Variants in EXOC4 observed in about 807,000 individuals in gnomAD.
EXOC4 encodes the protein exocyst complex component 4.
Under a neutral mutation model 107.2 loss-of-function variants are expected in EXOC4, and 71 were observed. The observed-to-expected ratio is 0.66, with a 90% CI of 0.55 to 0.81. The LOEUF is 0.81. EXOC4 is among the 30% of genes least tolerant of loss of function. The pLI, the probability that EXOC4 is intolerant of heterozygous loss-of-function variation, is 0.00. For missense variants in EXOC4, 1,108 were observed against 1,189.6 expected (o/e 0.93, Z 1.01); for synonymous variants, 456 against 441.2 (o/e 1.03, Z -0.42).
At chr7:133,665,633 T>A (rs1233119157) in intron 10 of EXOC4, among the ~76,000 whole-genome samples, 1 of 152,162 alleles carries the variant, frequency 6.6e-6, no homozygotes, top group African/African-American at 2.4e-5. Context: ...TCTCAGATAT[T>A]CAGAACACTT....
chr7:133,528,892 A>C (rs1800129174), intron 9 of EXOC4, among the ~76,000 whole-genome samples: 1 of 152,112 alleles, frequency 6.6e-6, no homozygotes, highest in Non-Finnish European at 1.5e-5. Context: ...TGTATGATTT[A>C]GCATTTGCCC....
chr7:133,509,242 C>A (rs148224531), intron 9 of EXOC4, among the ~76,000 whole-genome samples: 2 of 152,012 alleles, frequency 1.3e-5, no homozygotes, highest in Non-Finnish European at 2.9e-5. Flanking sequence ...TCCTGGCTAA[C>A]GTGGTGAAAC....
chr7:134,069,045 C>A (rs1232651886), downstream of EXOC4, among the ~76,000 whole-genome samples: 1 of 152,094 alleles, frequency 6.6e-6, no homozygotes, highest in East Asian at 1.9e-4. Flanking sequence ...CATATTTCCC[C>A]TCTCGATTCT....
At chr7:133,369,226 T>C (rs1796310801) in intron 6 of EXOC4, among the ~76,000 whole-genome samples, 1 of 152,208 alleles carries the variant, frequency 6.6e-6, no homozygotes, top group Admixed American at 6.5e-5. Flanking sequence ...TTACATCCTG[T>C]TTATGTGAAT....
chr7:133,600,861 A>T (rs370057435), intron 9 of EXOC4, among the ~76,000 whole-genome samples: 1 of 152,184 alleles, frequency 6.6e-6, no homozygotes, highest in African/African-American at 2.4e-5. Context: ...CTTTAGTCAG[A>T]CAGGAACTGA....
intron 10 of EXOC4, among the ~76,000 whole-genome samples, chr7:133,772,468 A>G (rs1042123740): frequency 5.3e-5 from 8 of 152,036 alleles, no homozygotes; most frequent in African/African-American, 1.9e-4. Flanking sequence ...AGCACGGCAC[A>G]TGTATACATA....
chr7:133,628,193 A>C (rs1449187345), intron 9 of EXOC4, among the ~76,000 whole-genome samples: 1 of 152,204 alleles, frequency 6.6e-6, no homozygotes, highest in Non-Finnish European at 1.5e-5. Context: ...GAAATAATTA[A>C]GGTAGATAGT....
intron 17 of EXOC4, among the ~76,000 whole-genome samples, chr7:134,027,164 G>A (rs528605534): frequency 3.0e-4 from 45 of 152,256 alleles, no homozygotes; most frequent in Admixed American, 1.9e-3. Flanking sequence ...AGTAGATGCT[G>A]AAATTACCAG....
chr7:133,484,273 T>C (rs1584952225), intron 9 of EXOC4: 2 of 1,183,670 alleles, frequency 1.7e-6, no homozygotes, highest in Non-Finnish European at 2.2e-6. Context: ...TTATATAGTC[T>C]GCTGTTGGCA....
At chr7:133,384,961 C>G (rs563234162) in intron 7 of EXOC4, among the ~76,000 whole-genome samples, 1 of 152,192 alleles carries the variant, frequency 6.6e-6, no homozygotes, top group South Asian at 2.1e-4. Context: ...TGAGAACATT[C>G]ACTTGGCCAC....
intron 7 of EXOC4, among the ~76,000 whole-genome samples, chr7:133,452,850 T>C (rs755557355): frequency 6.6e-6 from 1 of 152,092 alleles, no homozygotes; most frequent in Non-Finnish European, 1.5e-5. Context: ...TGTTCAAAAT[T>C]CTGTCATGTG....
At chr7:133,995,801 C>G (rs1392118049) in intron 14 of EXOC4, among the ~76,000 whole-genome samples, 1 of 152,154 alleles carries the variant, frequency 6.6e-6, no homozygotes, top group African/African-American at 2.4e-5. Flanking sequence ...CCTGGATTGT[C>G]TATCCAGGCC....
chr7:133,695,037 G>A (rs901496944), intron 10 of EXOC4, among the ~76,000 whole-genome samples: 3 of 152,100 alleles, frequency 2.0e-5, no homozygotes, highest in African/African-American at 7.2e-5. Context: ...GGTCAGGCTG[G>A]TCTGGAACTC....
At chr7:133,616,857 T>C (rs1051639072) in intron 9 of EXOC4, among the ~76,000 whole-genome samples, 3 of 152,128 alleles carry the variant, frequency 2.0e-5, no homozygotes, top group South Asian at 4.1e-4. Flanking sequence ...TTATGCAGTA[T>C]CAGAAAAATG....
chr7:133,697,744 A>G (rs1413510513), intron 10 of EXOC4, among the ~76,000 whole-genome samples: 1 of 152,170 alleles, frequency 6.6e-6, no homozygotes, highest in Non-Finnish European at 1.5e-5. Flanking sequence ...GAAAGTCCCT[A>G]AGTGGAAGCA....
chr7:133,444,719 C>T (rs1038391538), intron 7 of EXOC4, among the ~76,000 whole-genome samples: 3 of 151,976 alleles, frequency 2.0e-5, no homozygotes, highest in Non-Finnish European at 2.9e-5. Flanking sequence ...ATTGAGGGAA[C>T]GGAGAAGAAA....
intron 10 of EXOC4, among the ~76,000 whole-genome samples, chr7:133,762,233 G>A (rs1393775105): frequency 4.6e-5 from 7 of 152,016 alleles, no homozygotes; most frequent in Admixed American, 2.6e-4. Context: ...AAGCTATTAG[G>A]TTTGAACAAT....
At chr7:133,662,139 C>T (rs150974745) in intron 10 of EXOC4, among the ~76,000 whole-genome samples, 13 of 152,072 alleles carry the variant, frequency 8.5e-5, no homozygotes, top group African/African-American at 2.2e-4. Flanking sequence ...ATTGTTAGGG[C>T]GAGATTCAAA....
At chr7:133,637,929 C>G (rs1399758692) in intron 10 of EXOC4, among the ~76,000 whole-genome samples, 1 of 152,108 alleles carries the variant, frequency 6.6e-6, no homozygotes, top group Non-Finnish European at 1.5e-5. Flanking sequence ...GTCAAGATAT[C>G]AACCCATGTA....
Sources: gnomAD v4.1 joint callset for allele counts (sites outside exome capture counted in the v4.1 genomes callset) on GRCh38, gnomAD v4.1.1 for gene constraint, MANE v1.5 for transcripts, NCBI Gene and HGNC (gene_info 2026-07-23, HGNC 2026-07-21) for gene names.